Variants in NXN observed in about 807,000 individuals in gnomAD.
The protein encoded by NXN is nucleoredoxin 1.
Under a neutral mutation model 48.6 loss-of-function variants are expected in NXN, and 16 were observed. The observed-to-expected ratio is 0.33, with a 90% CI of 0.22 to 0.50. The LOEUF (loss-of-function observed/expected upper bound fraction) is 0.50. Ranked by LOEUF, NXN falls within the 20% of genes least tolerant of loss-of-function variation. The probability of loss-of-function intolerance (pLI) is 0.98; values close to 1 mark genes in which losing one functional copy is unlikely to be tolerated. For synonymous variants in NXN, 281 were observed against 269.6 expected (o/e 1.04, Z -0.41); for missense variants, 492 against 605.5 (o/e 0.81, Z 1.97).
rs11553429 is a variant in NXN, at chr17:800,009, G to C, written c.*940C>G. The stretch of plus-strand genomic sequence containing the variant: ...CGGGTGCCTGTAATCCCAGCTACTC[G>C]GGAGGCTGAGGCAGGAGAATCACTT... On this transcript the variant is annotated 3_prime_UTR_variant, in exon 8 of 8. Transcript: ENST00000336868. 0.022 allele frequency: 3,363 copies of C among 152,540 alleles called. 56 individuals carry two copies. The highest frequency in any genetic ancestry group is 0.035 in the Non-Finnish European group (2,359 of 68,228). The allele number at this position is 152,540 out of a possible 1,614,324, so 9.4% of individuals were successfully genotyped here. A position where few individuals can be genotyped will look rare whatever the true frequency, so the allele number is the denominator to read the frequency against.
chr17:925,920 T>C (rs564539049), intron 1 of NXN, among the ~76,000 whole-genome samples: 4 of 152,370 alleles, frequency 2.6e-5, no homozygotes, highest in South Asian at 2.1e-4. Context: ...TTTCTCTGGC[T>C]AAGAGCTATC....
intron 1 of NXN, among the ~76,000 whole-genome samples, chr17:899,021 G>A (rs62068459): frequency 8.7e-6 from 1 of 115,538 alleles, no homozygotes. Context: ...GCAGTGGCAC[G>A]ATCTTGGCTC....
chr17:892,027 C>T, intron 1 of NXN, among the ~76,000 whole-genome samples: 1 of 151,248 alleles, frequency 6.6e-6, no homozygotes, highest in African/African-American at 2.4e-5. Flanking sequence ...AAACTAACCC[C>T]ACCATGCACA....
At chr17:826,773 G>C (rs1483835166) in intron 1 of NXN, among the ~76,000 whole-genome samples, 1 of 152,174 alleles carries the variant, frequency 6.6e-6, no homozygotes, top group African/African-American at 2.4e-5. Context: ...GCAATGCCCA[G>C]GGCCAGCCCC....
At chr17:820,394 G>A (rs1912760469) in intron 4 of NXN, among the ~76,000 whole-genome samples, 1 of 151,544 alleles carries the variant, frequency 6.6e-6, no homozygotes, top group Admixed American at 6.6e-5. Context: ...GGTGAATCAT[G>A]AGGTCAAGAG....
intron 1 of NXN, among the ~76,000 whole-genome samples, chr17:918,231 G>A (rs1312669876): frequency 6.6e-6 from 1 of 152,174 alleles, no homozygotes; most frequent in Non-Finnish European, 1.5e-5. Flanking sequence ...CCTGGCCGTT[G>A]TGCCAGAAAC....
chr17:824,322 C>A (rs1187772395), intron 2 of NXN, among the ~76,000 whole-genome samples: 1 of 152,176 alleles, frequency 6.6e-6, no homozygotes, highest in African/African-American at 2.4e-5. Context: ...GCTGGAATTA[C>A]AGGCGTGAGC....
intron 1 of NXN, among the ~76,000 whole-genome samples, chr17:842,239 G>A (rs187294730): frequency 6.0e-4 from 92 of 152,300 alleles, no homozygotes; most frequent in South Asian, 5.0e-3. Context: ...ACATTTTCCC[G>A]GCTAGCACTG....
chr17:839,163 G>A (rs1186951521), intron 1 of NXN, among the ~76,000 whole-genome samples: 2 of 152,194 alleles, frequency 1.3e-5, no homozygotes, highest in Non-Finnish European at 2.9e-5. Context: ...GGCCGGACGC[G>A]GTGGCTCACG....
intron 7 of NXN, among the ~76,000 whole-genome samples, chr17:802,689 T>C (rs1911267846): frequency 6.6e-6 from 1 of 152,066 alleles, no homozygotes; most frequent in African/African-American, 2.4e-5. Flanking sequence ...TGAACCTCTT[T>C]GCTCCCCTCC....
At chr17:814,474 C>A (rs1273002036) in intron 5 of NXN, among the ~76,000 whole-genome samples, 1 of 152,036 alleles carries the variant, frequency 6.6e-6, no homozygotes, top group Non-Finnish European at 1.5e-5. Flanking sequence ...GCCTCCTGAC[C>A]CAATGGAGCA....
intron 1 of NXN, among the ~76,000 whole-genome samples, chr17:841,616 TCTCACACG>T (rs1914295644): frequency 8.3e-6 from 1 of 120,588 alleles, no homozygotes; most frequent in African/African-American, 3.5e-5. Context: ...CCACAGAGCA[TCTCACACG>T]GGCAAGCAGG....
chr17:979,612 C>T lies in NXN; in HGVS notation c.67G>A (p.Val23Met), dbSNP rs1207744200. 7.5e-6 allele frequency: 11 copies of T among 1,463,890 alleles called. No individual in the cohort carries two copies. The highest frequency in any genetic ancestry group is 2.9e-5 in the African/African-American group (2 of 68,452). 90.7% of individuals were successfully genotyped at this position (1,463,890 alleles called of 1,614,324 possible). ...ATGCCGCGGGCGCCCAGCGAGTGCA[C>T]GTCCACCTCCTCGCCGCCGCCCGTC... ...LVTGGGEEVD[V>M]HSLGARGISL... Residue 23 changes from valine to methionine, a missense_variant, in exon 1 of 8, where the codon GTG (valine) becomes ATG (methionine). Around this residue, in one of 3 missense-constraint regions of NXN, gnomAD observed 186 missense variants for 199.1 expected, o/e 0.93. Transcript: ENST00000336868.
At chr17:896,983 A>AGT in intron 1 of NXN, 1 of 1,171,862 alleles carries the variant, frequency 8.5e-7, no homozygotes, top group South Asian at 1.6e-5. Context: ...CTCCTAGGAA[A>AGT]GTCCCCGCGG....
rs1567519629 is a variant in NXN at position 958,639 on chromosome 17, CGT to C, written c.360+20678_360+20679del. 1.2e-4 allele frequency among the ~76,000 whole-genome samples: 19 copies of C among 152,148 alleles called. No individual in the cohort carries two copies. The East Asian group carries it at 3.3e-3, about 26-fold the overall frequency. ...TACAAAAATTAGCCAGGCGTGGTGG[CGT>C]GCGCCTGTAGTCCCAGCTACTCAGG... On this transcript the variant is annotated intron_variant, in intron 1 of 7. Transcript: ENST00000336868. The surrounding 1 kb of genome is among the most constrained non-coding windows in gnomAD (Gnocchi z 6.9).
intron 1 of NXN, among the ~76,000 whole-genome samples, chr17:865,919 G>T (rs1446912743): frequency 6.6e-6 from 1 of 151,966 alleles, no homozygotes; most frequent in Non-Finnish European, 1.5e-5. Context: ...GGAGGTGGAG[G>T]TTGCAGTGAG....
chr17:851,225 G>C (rs942317439), intron 1 of NXN, among the ~76,000 whole-genome samples: 6 of 152,196 alleles, frequency 3.9e-5, no homozygotes, highest in Non-Finnish European at 8.8e-5. Flanking sequence ...GGGGAGGCCG[G>C]GGCCCAGCAA....
chr17:875,632 C>T (rs1034388683), intron 1 of NXN, among the ~76,000 whole-genome samples: 2 of 151,838 alleles, frequency 1.3e-5, no homozygotes, highest in Non-Finnish European at 2.9e-5. Context: ...TGCTCTGTTG[C>T]CCAGGCTGGA....
At chr17:810,422 C>T (rs1051034292) in intron 5 of NXN, among the ~76,000 whole-genome samples, 5 of 152,120 alleles carry the variant, frequency 3.3e-5, no homozygotes, top group Non-Finnish European at 5.9e-5. Flanking sequence ...TGTCTAGTTA[C>T]GTTTTCTTTA....
Sources: gnomAD v4.1 joint callset for allele counts (sites outside exome capture counted in the v4.1 genomes callset) on GRCh38, gnomAD v4.1.1 for gene constraint, gnomAD v4.1.1 regional missense constraint, Gnocchi (gnomAD v3.1) non-coding constraint, MANE v1.5 for transcripts, NCBI Gene and HGNC (gene_info 2026-07-23, HGNC 2026-07-21) for gene names.